Variants in GTF2A2 observed in about 807,000 individuals in gnomAD.
GTF2A2 encodes general transcription factor IIA subunit 2.
GTF2A2 carries 9 observed loss-of-function variants against 14.3 expected under a neutral mutation model. The ratio of observed to expected loss-of-function variants is 0.63; its 90% CI spans 0.38 to 1.10. GTF2A2 has a LOEUF of 1.10. Among genes scored for constraint, GTF2A2 ranks in the 50% least tolerant of loss-of-function variants. GTF2A2 has a pLI of 0.01. For missense variants in GTF2A2, 90 were observed against 124.6 expected, an observed-to-expected ratio of 0.72 and a Z score of 1.32; for synonymous variants, 56 against 46.0, an observed-to-expected ratio of 1.22 and a Z score of -0.88.
At position 59,650,769 on chromosome 15, in the gene GTF2A2, T is replaced by A; in HGVS notation, c.77A>T (p.Gln26Leu). The change falls in exon 3 of 5, where the codon CAA becomes CTA. Residue 26 changes from glutamine to leucine, a missense_variant. By Grantham distance (113) the Gln-to-Leu change is moderately radical (BLOSUM62 -2). Coordinates refer to ENST00000396060, the MANE Select transcript of GTF2A2 (RefSeq NM_004492.3). ...QESLDELIQS[Q>L]QITPQLALQV... ...AAGGGCAAGTTGGGGGGTGATCTGT[T>A]GAGACTGAGAAAAGGTAAAGGTCAT... 6.4e-7 allele frequency: 1 copy of A among 1,565,148 alleles called. No homozygotes were observed. Among genetic ancestry groups the A allele is most frequent in the Non-Finnish European group, 8.8e-7 (1 of 1,136,256 alleles).
chr15:59,652,065 G>A (rs1041285315), intron 2 of GTF2A2, 141 bp downstream of exon 2: 33 of 582,322 alleles, frequency 5.7e-5, no homozygotes, highest in Non-Finnish European at 8.2e-5. Flanking sequence ...AGAATTTGAG[G>A]TAATTTAATC....
At chr15:59,648,401 C>CAAAAAAAAAAAAAAAAAAAA (rs71425875) in intron 3 of GTF2A2, among the ~76,000 whole-genome samples, 5 of 90,560 alleles carry the variant, frequency 5.5e-5, no homozygotes, top group Non-Finnish European at 8.2e-5. Flanking sequence ...GACTTCGTCT[C>CAAAAAAAAAAAAAAAAAAAA]AAAAAAAAAA....
intron 3 of GTF2A2, among the ~76,000 whole-genome samples, chr15:59,647,665 G>A (rs1289897674): frequency 1.3e-5 from 2 of 151,878 alleles, no homozygotes; most frequent in Non-Finnish European, 2.9e-5. Context: ...TGCAACCTCC[G>A]CCTCCTGGAT....
chr15:59,649,599 C>T (rs1465746846), intron 3 of GTF2A2, among the ~76,000 whole-genome samples: 4 of 152,144 alleles, frequency 2.6e-5, no homozygotes, highest in Admixed American at 6.5e-5. Flanking sequence ...ATTCATGGAT[C>T]CACTGGTCAA....
chr15:59,656,917 G>T (rs1282579296), intron 1 of GTF2A2: 1 of 152,216 alleles, frequency 6.6e-6, no homozygotes, highest in Non-Finnish European at 1.5e-5. Flanking sequence ...AAAATTAGAA[G>T]TCAAATTCGG....
chr15:59,647,200 C>G (rs540462869), intron 3 of GTF2A2, among the ~76,000 whole-genome samples: 1 of 152,230 alleles, frequency 6.6e-6, no homozygotes, highest in Non-Finnish European at 1.5e-5. Flanking sequence ...TCAAGCTGCC[C>G]TCTCACCTCA....
At chr15:59,647,072 A>T (rs1447619721) in intron 3 of GTF2A2, among the ~76,000 whole-genome samples, 1 of 151,798 alleles carries the variant, frequency 6.6e-6, no homozygotes, top group Non-Finnish European at 1.5e-5. Context: ...TATATAATTT[A>T]TATGCGTTTA....
chr15:59,644,591 G>A (rs958058207), intron 3 of GTF2A2, among the ~76,000 whole-genome samples: 1 of 152,208 alleles, frequency 6.6e-6, no homozygotes, highest in South Asian at 2.1e-4. Context: ...TAGTATAACA[G>A]TGCTATGAAA....
chr15:59,650,869 G>T, intron 2 of GTF2A2, 96 bp from the exon 3 acceptor site: 1 of 677,440 alleles, frequency 1.5e-6, no homozygotes, highest in Non-Finnish European at 2.5e-6. Context: ...TTTAACTGAG[G>T]TTAACCAAAG....
At chr15:59,640,008 C>G (rs1379537737) in intron 4 of GTF2A2, 1 of 152,412 alleles carries the variant, frequency 6.6e-6, no homozygotes, top group Non-Finnish European at 1.5e-5. Context: ...AACTTGGCCT[C>G]CCAAAGTGCT....
At chr15:59,641,810 T>C (rs1342258728) in intron 4 of GTF2A2, among the ~76,000 whole-genome samples, 1 of 152,146 alleles carries the variant, frequency 6.6e-6, no homozygotes, top group Non-Finnish European at 1.5e-5. Flanking sequence ...ATTGTAAAAA[T>C]TATTCCTTAA....
At chr15:59,649,049 TAAAA>T (rs1452197987) in intron 3 of GTF2A2, among the ~76,000 whole-genome samples, 3 of 152,190 alleles carry the variant, frequency 2.0e-5, no homozygotes, top group African/African-American at 7.2e-5. Flanking sequence ...AAATTATACA[TAAAA>T]AATATATACC....
intron 2 of GTF2A2, 191 bp downstream of exon 2, chr15:59,652,015 T>C: frequency 2.0e-6 from 1 of 496,710 alleles, no homozygotes; most frequent in Non-Finnish European, 3.6e-6. Context: ...TATCATTCAA[T>C]CATGTTTTGT....
chr15:59,646,288 T>C (rs757722864), intron 3 of GTF2A2, among the ~76,000 whole-genome samples: 25 of 152,196 alleles, frequency 1.6e-4, no homozygotes, highest in Non-Finnish European at 2.8e-4. Flanking sequence ...ACTCCTGACC[T>C]CAAGTGGTCT....
chr15:59,639,271 C>A, intron 4 of GTF2A2, 114 bp from the exon 5 acceptor site: 2 of 721,466 alleles, frequency 2.8e-6, no homozygotes, highest in East Asian at 5.2e-5. Context: ...GTGGTGGTGG[C>A]TTGCAGGGTG....
intron 1 of GTF2A2, chr15:59,656,957 A>G (rs570305807): frequency 2.6e-5 from 4 of 152,220 alleles, no homozygotes; most frequent in Non-Finnish European, 5.9e-5. Context: ...TTTTTGATTA[A>G]ACCACCAAGT....
rs1891279258 is a variant in GTF2A2 at position 59,638,915 on chromosome 15, A to G, written c.*217T>C. The G allele has an allele frequency of 2.1e-6, 1 of 468,376 alleles. No individual in the cohort carries two copies. Among genetic ancestry groups the G allele is most frequent in the African/African-American group, 2.0e-5 (1 of 50,200 alleles). The allele number at this position is 468,376 out of a possible 1,614,324, so 29.0% of individuals were successfully genotyped here. A position where few individuals can be genotyped will look rare whatever the true frequency, so the allele number is the denominator to read the frequency against. On this transcript the variant is annotated 3_prime_UTR_variant, in exon 5 of 5. Coordinates refer to ENST00000396060, the MANE Select transcript of GTF2A2 (RefSeq NM_004492.3). ...AAAGAAGGTTCTTAGGAAGGCAACA[A>G]CTTTTGTCCTTAAAAAAAAGTTATG...
rs756231154 is a variant in GTF2A2 at position 59,650,657 on chromosome 15, A to C, written c.177+12T>G. ...TTGGTACAGGCTTCTAGATTCAGGA[A>C]AATATCCTTACCCTGAAATTGACTC... On this transcript the variant is annotated intron_variant, in intron 3 of 4. Coordinates refer to ENST00000396060, the MANE Select transcript of GTF2A2 (RefSeq NM_004492.3). 5 of 1,463,412 alleles carry C rather than the reference A, an allele frequency of 3.4e-6. No individual in the cohort carries two copies. In the African/African-American group the frequency reaches 6.9e-5, roughly 20 times the overall value. The allele number at this position is 1,463,412 out of a possible 1,614,324, so 90.7% of individuals were successfully genotyped here.
chr15:59,642,470 A>G (rs1020483435), intron 3 of GTF2A2, among the ~76,000 whole-genome samples: 1 of 152,198 alleles, frequency 6.6e-6, no homozygotes, highest in Non-Finnish European at 1.5e-5. Flanking sequence ...TAGTTGGCAG[A>G]CTGTATTTTT....
Sources: allele counts gnomAD v4.1 joint callset (sites outside exome capture counted in the v4.1 genomes callset), GRCh38; gene constraint gnomAD v4.1.1; transcripts MANE v1.5; gene names NCBI Gene and HGNC (gene_info 2026-07-23, HGNC 2026-07-21).